Variants in TRIB3 observed in about 807,000 individuals in gnomAD.
TRIB3 encodes tribbles pseudokinase 3.
TRIB3 carries 20 observed loss-of-function variants against 16.6 expected under a neutral mutation model. The observed-to-expected ratio is 1.20, with a 90% CI of 0.85 to 1.75. TRIB3 has a LOEUF of 1.75. TRIB3 is among the 40% of genes most tolerant of loss of function. TRIB3 has a pLI of 0.00. For synonymous variants in TRIB3, 208 were observed against 217.0 expected (o/e 0.96, Z 0.36); for missense variants, 484 against 488.9 (o/e 0.99, Z 0.10).
chr20:392,443 G>C (rs991265633), intron 3 of TRIB3, among the ~76,000 whole-genome samples: 3 of 152,142 alleles, frequency 2.0e-5, no homozygotes, highest in Non-Finnish European at 4.4e-5. Flanking sequence ...AGGATTCCAA[G>C]ACCACAGCCA....
chr20:389,790 A>G (rs891243194), intron 2 of TRIB3, among the ~76,000 whole-genome samples: 5 of 152,236 alleles, frequency 3.3e-5, no homozygotes, highest in Admixed American at 6.5e-5. Context: ...ACTCACCCCT[A>G]TGCCAATGTG....
At chr20:392,158 T>TA (rs1243995760) in intron 3 of TRIB3, among the ~76,000 whole-genome samples, 5 of 152,118 alleles carry the variant, frequency 3.3e-5, no homozygotes, top group African/African-American at 1.2e-4. Context: ...CTTCCATCCT[T>TA]ACAAACACGA....
chr20:386,471 C>G (rs1302182740), intron 1 of TRIB3, among the ~76,000 whole-genome samples: 1 of 152,130 alleles, frequency 6.6e-6, no homozygotes, highest in African/African-American at 2.4e-5. Context: ...TGTAGTGGCA[C>G]AATCTCGGCT....
chr20:394,188 A>C (rs1038163781), intron 3 of TRIB3, among the ~76,000 whole-genome samples: 6 of 151,604 alleles, frequency 4.0e-5, no homozygotes, highest in African/African-American at 1.5e-4. Context: ...ACACCACCAC[A>C]CTTGGCTAAT....
rs764408437 is a variant in TRIB3, at chr20:396,430, A to G, written c.817A>G (p.Ile273Val). ...DSEPVLLFGK[I>V]RRGAYALPAG... ...GGAGCCTGTCCTGCTCTTCGGCAAG[A>G]TCCGCCGCGGGGCCTACGCCTTGCC... Residue 273 changes from isoleucine to valine, a missense_variant, in exon 4 of 4, where the codon ATC becomes GTC. Coordinates refer to ENST00000217233, the MANE Select transcript of TRIB3 (RefSeq NM_021158.5). 1 of 1,612,908 alleles carries G rather than the reference A, an allele frequency of 6.2e-7. No homozygotes were observed. The highest frequency in any genetic ancestry group is 8.5e-7 in the Non-Finnish European group (1 of 1,180,004).
intron 1 of TRIB3, among the ~76,000 whole-genome samples, chr20:384,935 A>T (rs6107240): frequency 0.052 from 7,881 of 152,234 alleles, 669 homozygotes; most frequent in African/African-American, 0.18. Context: ...ATACAAGGAT[A>T]CAAGGGAGAC....
chr20:391,400 C>T lies in TRIB3; in HGVS notation c.405C>T (p.Ala135=). 2 of 1,613,866 alleles carry T rather than the reference C, an allele frequency of 1.2e-6. No homozygotes were observed. The highest frequency in any genetic ancestry group is 8.5e-7 in the Non-Finnish European group (1 of 1,180,020). The stretch of plus-strand genomic sequence containing the variant: ...TGGCTGGTACCCAGCTCCTCTACGC[C>T]TTTTTCACTCGGACCCATGGGGACA... ...EVLAGTQLLY[A]FFTRTHGDMH... Residue 135 remains alanine, a synonymous_variant, in exon 3 of 4, where the codon GCC becomes GCT. Coordinates refer to ENST00000217233, the MANE Select transcript of TRIB3 (RefSeq NM_021158.5).
At position 388,062 on chromosome 20, in the gene TRIB3, C is replaced by G. The variant is rs559951555; in HGVS notation, c.52C>G (p.Arg18Gly). 6.2e-7 allele frequency: 1 copy of G among 1,614,122 alleles called. No individual in the cohort carries two copies. The highest frequency in any genetic ancestry group is 8.5e-7 in the Non-Finnish European group (1 of 1,180,004). Residue 18 changes from arginine (R) to glycine (G), a missense_variant, in exon 2 of 4, where the codon CGG (arginine) becomes GGG (glycine). Transcript: ENST00000217233. Reference sequence around the variant, plus strand: ...TGCGGGTTCCCTGTCCAGGAAGAAGCGGTTGGAGTTGGATGACAACTTAGA... The same window carrying G: ...TGCGGGTTCCCTGTCCAGGAAGAAGGGGTTGGAGTTGGATGACAACTTAGA... ...APAGSLSRKK[R>G]LELDDNLDTE...
chr20:395,046 A>T (rs945737802), intron 3 of TRIB3, among the ~76,000 whole-genome samples: 4 of 152,210 alleles, frequency 2.6e-5, no homozygotes, highest in African/African-American at 9.6e-5. Context: ...ACACCCAGGA[A>T]GTAATGCCAT....
At chr20:385,884 G>A (rs1188031814) in intron 1 of TRIB3, among the ~76,000 whole-genome samples, 1 of 144,540 alleles carries the variant, frequency 6.9e-6, no homozygotes, top group Non-Finnish European at 1.5e-5. Flanking sequence ...TTTTGAGAGA[G>A]TCTTTACTCT....
chr20:382,395 C>A, intron 1 of TRIB3: 1 of 802,288 alleles, frequency 1.2e-6, no homozygotes, highest in Non-Finnish European at 1.9e-6. Flanking sequence ...TGATGTGGCA[C>A]AGGCCAGAGG....
At chr20:389,738 C>T (rs1600251666) in intron 2 of TRIB3, among the ~76,000 whole-genome samples, 3 of 152,276 alleles carry the variant, frequency 2.0e-5, no homozygotes, top group Admixed American at 2.0e-4. Context: ...GTTCACAGGG[C>T]CCTGATTCTC....
intron 1 of TRIB3, among the ~76,000 whole-genome samples, chr20:382,099 CTGTGTGTGTG>C (rs5839857): frequency 7.7e-5 from 11 of 142,258 alleles, no homozygotes; most frequent in African/African-American, 2.3e-4. Flanking sequence ...GCTGGGAGGG[CTGTGTGTGTG>C]TGTGTGTGTG....
At chr20:387,557 A>AGG (rs1568533732) in intron 1 of TRIB3, among the ~76,000 whole-genome samples, 77 of 128,008 alleles carry the variant, frequency 6.0e-4, no homozygotes, top group African/African-American at 2.0e-3. Context: ...TCTTGGGGAA[A>AGG]AAAAAAAAAA....
intron 1 of TRIB3, among the ~76,000 whole-genome samples, chr20:382,126 T>TGC (rs71191940): frequency 1.4e-4 from 12 of 83,956 alleles, no homozygotes; most frequent in East Asian, 3.3e-4. Flanking sequence ...TGTGTGTGTG[T>TGC]GCGTGCGCGC....
At chr20:383,709 G>A (rs1179018638) in intron 1 of TRIB3, among the ~76,000 whole-genome samples, 1 of 152,014 alleles carries the variant, frequency 6.6e-6, no homozygotes, top group African/African-American at 2.4e-5. Flanking sequence ...CAAAGTACTG[G>A]GATTACAGGC....
At chr20:395,035 G>T (rs1175251536) in intron 3 of TRIB3, among the ~76,000 whole-genome samples, 2 of 152,140 alleles carry the variant, frequency 1.3e-5, no homozygotes, top group Admixed American at 1.3e-4. Flanking sequence ...AATGCCACTG[G>T]ACACCCAGGA....
intron 1 of TRIB3, among the ~76,000 whole-genome samples, chr20:387,646 G>T (rs932579583): frequency 1.3e-5 from 2 of 151,930 alleles, no homozygotes; most frequent in South Asian, 2.1e-4. Flanking sequence ...AGATCAGTAC[G>T]CATCAGTATA....
intron 1 of TRIB3, among the ~76,000 whole-genome samples, chr20:384,614 G>A (rs1289497581): frequency 4.6e-5 from 7 of 152,082 alleles, no homozygotes; most frequent in African/African-American, 7.2e-5. Context: ...TGCCTGCCTC[G>A]GCCTCCCAAA....
Sources: allele counts gnomAD v4.1 joint callset (sites outside exome capture counted in the v4.1 genomes callset), GRCh38; gene constraint gnomAD v4.1.1; transcripts MANE v1.5; gene names NCBI Gene and HGNC (gene_info 2026-07-23, HGNC 2026-07-21).